The following GPC5 variants were observed in gnomAD, a reference collection of about 807,000 sequenced individuals.
GPC5 encodes the protein glypican 5.
A neutral mutation model predicts 53.9 loss-of-function variants in GPC5; 47 were observed. The ratio of observed to expected loss-of-function variants is 0.87; its 90% CI spans 0.69 to 1.11. The LOEUF is 1.11. Ranked by LOEUF, GPC5 falls within the 50% of genes most tolerant of loss-of-function variation. The probability of loss-of-function intolerance (pLI) is 0.00; values close to 1 mark genes in which losing one functional copy is unlikely to be tolerated. For missense variants in GPC5, 748 were observed against 713.1 expected (o/e 1.05, Z -0.56); for synonymous variants, 286 against 263.3 (o/e 1.09, Z -0.84).
chr13:92,394,236 A>G (rs1010973656), intron 7 of GPC5, among the ~76,000 whole-genome samples: 2 of 152,140 alleles, frequency 1.3e-5, no homozygotes, highest in East Asian at 3.9e-4. Context: ...AAGCCTACTA[A>G]AATTGTTCAT....
At chr13:92,303,107 T>C (rs2043086557) in intron 7 of GPC5, among the ~76,000 whole-genome samples, 1 of 152,150 alleles carries the variant, frequency 6.6e-6, no homozygotes, top group African/African-American at 2.4e-5. Context: ...CCCCTATGGT[T>C]CTTTTCTTAC....
intron 6 of GPC5, among the ~76,000 whole-genome samples, chr13:91,991,728 T>A (rs187312942): frequency 1.3e-5 from 2 of 152,274 alleles, no homozygotes; most frequent in East Asian, 3.9e-4. Flanking sequence ...ACAAATGAGC[T>A]GGATAAAATG....
intron 6 of GPC5, among the ~76,000 whole-genome samples, chr13:91,990,473 T>C (rs1214721255): frequency 6.6e-6 from 1 of 152,192 alleles, no homozygotes; most frequent in African/African-American, 2.4e-5. Context: ...ACTCAGGAAA[T>C]GGTAACACCA....
chr13:92,864,528 A>C (rs1341694718), intron 7 of GPC5, among the ~76,000 whole-genome samples: 1 of 152,054 alleles, frequency 6.6e-6, no homozygotes, highest in African/African-American at 2.4e-5. Flanking sequence ...TGAAAAGTAA[A>C]TCCTGTAATG....
chr13:91,997,128 A>G (rs1445503577), intron 6 of GPC5, among the ~76,000 whole-genome samples: 4 of 152,148 alleles, frequency 2.6e-5, no homozygotes, highest in Admixed American at 2.6e-4. Flanking sequence ...ATTGGTTCAT[A>G]GAGTTGAATT....
At chr13:92,297,752 A>C (rs1390252978) in intron 7 of GPC5, among the ~76,000 whole-genome samples, 1 of 151,956 alleles carries the variant, frequency 6.6e-6, no homozygotes, top group Non-Finnish European at 1.5e-5. Flanking sequence ...AAGAGAATAA[A>C]AGCAGGCTGC....
chr13:92,672,052 T>C (rs7999545), intron 7 of GPC5, among the ~76,000 whole-genome samples: 99,438 of 151,960 alleles, frequency 0.65, 32,808 homozygotes, highest in South Asian at 0.73. Context: ...AATCTGACAA[T>C]CCATGTTTAG....
Position 92,395,048 on chromosome 13 carries a change from G to A in GPC5, c.1561+250059G>A, listed in dbSNP as rs191203544. 2.6e-5 allele frequency among the ~76,000 whole-genome samples: 4 copies of A among 152,062 alleles called. No homozygotes were observed. In the East Asian group the frequency reaches 7.7e-4, roughly 29 times the overall value. ...TTTCTTGGAGAAAATATATAATTGGGCCTTTTAAAAATTTACTTAATGATC... is the reference window on the plus strand; with the variant it reads ...TTTCTTGGAGAAAATATATAATTGGACCTTTTAAAAATTTACTTAATGATC... On this transcript the variant is annotated intron_variant, in intron 7 of 7. Coordinates refer to ENST00000377067, the MANE Select transcript of GPC5 (RefSeq NM_004466.6).
At chr13:91,884,917 T>A (rs2039305772) in intron 5 of GPC5, among the ~76,000 whole-genome samples, 1 of 152,166 alleles carries the variant, frequency 6.6e-6, no homozygotes, top group Admixed American at 6.6e-5. Context: ...ATCCTTTCTA[T>A]CTTACTGACA....
At chr13:91,534,873 G>A (rs375873352) in intron 2 of GPC5, among the ~76,000 whole-genome samples, 2 of 152,042 alleles carry the variant, frequency 1.3e-5, no homozygotes, top group Non-Finnish European at 2.9e-5. Context: ...TCTAGACTTC[G>A]ACAGCCATAT....
chr13:92,772,094 A>C (rs1875637377), intron 7 of GPC5, among the ~76,000 whole-genome samples: 1 of 152,122 alleles, frequency 6.6e-6, no homozygotes, highest in Non-Finnish European at 1.5e-5. Context: ...TACATTCATA[A>C]CCATTTTTTA....
At chr13:92,244,003 A>C (rs2042632710) in intron 7 of GPC5, among the ~76,000 whole-genome samples, 2 of 152,164 alleles carry the variant, frequency 1.3e-5, no homozygotes, top group African/African-American at 4.8e-5. Context: ...TCAAAAGGCA[A>C]AGTTAACTGT....
At chr13:91,444,428 A>G (rs1880643829) in intron 1 of GPC5, among the ~76,000 whole-genome samples, 1 of 152,018 alleles carries the variant, frequency 6.6e-6, no homozygotes, top group African/African-American at 2.4e-5. Flanking sequence ...TTTTTATTAT[A>G]GTAACTCTGA....
At chr13:92,287,778 T>C (rs1224877774) in intron 7 of GPC5, among the ~76,000 whole-genome samples, 1 of 152,168 alleles carries the variant, frequency 6.6e-6, no homozygotes, top group African/African-American at 2.4e-5. Context: ...TTGTTGAGCT[T>C]CTTTGATGTG....
chr13:92,329,289 T>G (rs967369560), intron 7 of GPC5, among the ~76,000 whole-genome samples: 3 of 152,118 alleles, frequency 2.0e-5, no homozygotes, highest in Non-Finnish European at 2.9e-5. Flanking sequence ...CAGCTTTTAC[T>G]CATGGTGAAA....
chr13:91,804,589 CAGAG>C (rs2138786170), intron 5 of GPC5, among the ~76,000 whole-genome samples: 1 of 152,308 alleles, frequency 6.6e-6, no homozygotes, highest in South Asian at 2.1e-4. Context: ...AATTTTAAAA[CAGAG>C]AGAGGGAGAG....
At chr13:91,533,991 C>G (rs1480113898) in intron 2 of GPC5, among the ~76,000 whole-genome samples, 1 of 152,146 alleles carries the variant, frequency 6.6e-6, no homozygotes, top group Non-Finnish European at 1.5e-5. Context: ...CTGCTCCCCT[C>G]TGAGAAGTTG....
intron 3 of GPC5, among the ~76,000 whole-genome samples, chr13:91,707,010 A>G (rs1033121895): frequency 1.3e-5 from 2 of 152,184 alleles, no homozygotes; most frequent in Admixed American, 6.5e-5. Context: ...GGCTTATTAT[A>G]TAATTCCAAG....
chr13:91,676,060 CTTTG>C (rs1174723138), intron 2 of GPC5, among the ~76,000 whole-genome samples: 8 of 152,110 alleles, frequency 5.3e-5, no homozygotes, highest in South Asian at 2.1e-4. Flanking sequence ...GAGCCTTTGG[CTTTG>C]TTTGTTTGTT....
Sources: allele counts gnomAD v4.1 joint callset (sites outside exome capture counted in the v4.1 genomes callset), GRCh38; gene constraint gnomAD v4.1.1; transcripts MANE v1.5; gene names NCBI Gene and HGNC (gene_info 2026-07-23, HGNC 2026-07-21).